RPRD2: variants seen among roughly 807,000 people sequenced by gnomAD.
RPRD2 encodes regulation of nuclear pre-mRNA domain containing 2.
A neutral mutation model predicts 104.4 loss-of-function variants in RPRD2; 12 were observed. That is an observed-to-expected ratio of 0.11 (90% CI 0.07 to 0.19). RPRD2 has a LOEUF of 0.19. Ranked by LOEUF, RPRD2 falls within the 10% of genes least tolerant of loss-of-function variation. The probability of loss-of-function intolerance (pLI) is 1.00; values close to 1 mark genes in which losing one functional copy is unlikely to be tolerated. For missense variants in RPRD2, 1,543 were observed against 1,790.1 expected, an observed-to-expected ratio of 0.86 and a Z score of 2.49; for synonymous variants, 714 against 684.9, an observed-to-expected ratio of 1.04 and a Z score of -0.66.
intron 1 of RPRD2, among the ~76,000 whole-genome samples, chr1:150,403,064 T>C (rs1043836934): frequency 9.2e-5 from 14 of 152,076 alleles, no homozygotes; most frequent in Admixed American, 8.5e-4. Flanking sequence ...GATAAGACTG[T>C]GGTGTATTCA....
chr1:150,387,951 C>A (rs1249936754), intron 1 of RPRD2, among the ~76,000 whole-genome samples: 3 of 99,638 alleles, frequency 3.0e-5, no homozygotes, highest in African/African-American at 1.3e-4. Context: ...GTCTCTCACT[C>A]TGTCACCCAG....
chr1:150,365,693 G>T (rs1659788178), intron 1 of RPRD2, among the ~76,000 whole-genome samples: 2 of 152,090 alleles, frequency 1.3e-5, no homozygotes, highest in Non-Finnish European at 2.9e-5. Context: ...GGGTTCAAGC[G>T]ATTCTCCTGT....
intron 1 of RPRD2, among the ~76,000 whole-genome samples, chr1:150,407,696 A>G (rs1249466321): frequency 2.0e-5 from 3 of 152,198 alleles, no homozygotes; most frequent in African/African-American, 7.2e-5. Context: ...CAAAGCAACT[A>G]AGTGATTTTA....
chr1:150,460,329 C>T lies in RPRD2; in HGVS notation c.1411+12C>T. On this transcript the variant is annotated intron_variant, in intron 9 of 10. Coordinates refer to ENST00000369068, the MANE Select transcript of RPRD2 (RefSeq NM_015203.5). ...CATGAAAAATACTGGTAAGTAAGCC[C>T]AGTAAGGAGGATAAAAAGTTAATTT... 1 of 1,599,144 alleles carries T rather than the reference C, an allele frequency of 6.3e-7. No homozygotes were observed. The highest frequency in any genetic ancestry group is 8.5e-7 in the Non-Finnish European group (1 of 1,170,630).
rs1553899545 is a variant in RPRD2, at chr1:150,464,705, A to T, written c.1590A>T (p.Thr530=). 6.2e-7 allele frequency: 1 copy of T among 1,612,918 alleles called. No individual in the cohort carries two copies. The highest frequency in any genetic ancestry group is 8.5e-7 in the Non-Finnish European group (1 of 1,179,392). Residue 530 remains threonine, a synonymous_variant, in exon 10 of 11, where the codon ACA becomes ACT. Transcript: ENST00000369068. ...SILSALSKTQ[T]QSAPALQGLS... ...TGTCTGCACTTTCCAAAACCCAGAC[A>T]CAGTCAGCCCCTGCACTGCAAGGTA...
chr1:150,432,307 T>C (rs1292527446), intron 2 of RPRD2, among the ~76,000 whole-genome samples: 2 of 151,914 alleles, frequency 1.3e-5, no homozygotes, highest in African/African-American at 4.8e-5. Context: ...TACCTAGAAT[T>C]GTTAGGTCCA....
At chr1:150,424,089 GC>G (rs1553890176) in intron 2 of RPRD2, among the ~76,000 whole-genome samples, 1 of 152,066 alleles carries the variant, frequency 6.6e-6, no homozygotes, top group Non-Finnish European at 1.5e-5. Flanking sequence ...ACAGCACCCG[GC>G]CAGTTGAGAA....
intron 1 of RPRD2, among the ~76,000 whole-genome samples, chr1:150,403,542 C>A (rs1156683314): frequency 6.6e-6 from 1 of 152,138 alleles, no homozygotes; most frequent in Non-Finnish European, 1.5e-5. Context: ...TGGGTTATTT[C>A]CATAACATAA....
At chr1:150,434,910 A>AT (rs1308682490) in intron 2 of RPRD2, among the ~76,000 whole-genome samples, 7 of 151,994 alleles carry the variant, frequency 4.6e-5, no homozygotes, top group Non-Finnish European at 8.8e-5. Flanking sequence ...ACAGAATAGA[A>AT]TTTTTTTTGT....
intron 1 of RPRD2, among the ~76,000 whole-genome samples, chr1:150,395,152 C>A (rs587593551): frequency 1.3e-5 from 2 of 152,068 alleles, no homozygotes; most frequent in Non-Finnish European, 2.9e-5. Context: ...TCCCTCACCC[C>A]CTTCCCACTC....
chr1:150,414,179 G>A (rs1553888156), intron 1 of RPRD2, among the ~76,000 whole-genome samples: 4 of 152,174 alleles, frequency 2.6e-5, no homozygotes, highest in Non-Finnish European at 5.9e-5. Flanking sequence ...CTACAGATAT[G>A]GGAGTCATTG....
intron 2 of RPRD2, among the ~76,000 whole-genome samples, chr1:150,424,433 G>A (rs1468836535): frequency 1.3e-5 from 2 of 151,914 alleles, no homozygotes; most frequent in Non-Finnish European, 2.9e-5. Flanking sequence ...GATTACAGGC[G>A]AGCGCCACCA....
intron 2 of RPRD2, among the ~76,000 whole-genome samples, chr1:150,428,882 AG>A (rs1296818197): frequency 6.6e-6 from 1 of 152,142 alleles, no homozygotes; most frequent in East Asian, 1.9e-4. Context: ...TCCTGTTATA[AG>A]AGTAAGGGGG....
chr1:150,425,669 C>T (rs2102302479), intron 2 of RPRD2, among the ~76,000 whole-genome samples: 1 of 151,982 alleles, frequency 6.6e-6, no homozygotes, highest in African/African-American at 2.4e-5. Context: ...AAATAAATTT[C>T]CTTCCATCTT....
chr1:150,387,613 C>T (rs1440340647), intron 1 of RPRD2, among the ~76,000 whole-genome samples: 56 of 54,590 alleles, frequency 1.0e-3, no homozygotes, highest in Admixed American at 3.3e-3. Flanking sequence ...TTTTTTGAGA[C>T]GGAGTTTCAC....
intron 3 of RPRD2, chr1:150,441,268 G>T (rs1171900084): frequency 2.7e-6 from 1 of 376,712 alleles, no homozygotes; most frequent in East Asian, 5.1e-5. Context: ...ATGTTAAGTG[G>T]TAATAGCCAT....
chr1:150,438,255 A>C (rs1553893600), intron 2 of RPRD2, among the ~76,000 whole-genome samples: 1 of 151,900 alleles, frequency 6.6e-6, no homozygotes, highest in South Asian at 2.1e-4. Context: ...GTGCCACTGC[A>C]CTCCGGCCTG....
chr1:150,457,214 ACT>A (rs1220874951), intron 7 of RPRD2, 72 bp from the exon 8 acceptor site: 5 of 1,425,734 alleles, frequency 3.5e-6, no homozygotes, highest in Non-Finnish European at 4.8e-6. Context: ...ACAAAGTGAG[ACT>A]CTGCCTCAAA....
intron 7 of RPRD2, among the ~76,000 whole-genome samples, chr1:150,450,777 C>CT (rs1187516454): frequency 6.6e-6 from 1 of 151,574 alleles, no homozygotes; most frequent in Non-Finnish European, 1.5e-5. Flanking sequence ...CCCACCACCA[C>CT]TTTTTGTATT....
Sources: allele counts gnomAD v4.1 joint callset (sites outside exome capture counted in the v4.1 genomes callset), GRCh38; gene constraint gnomAD v4.1.1; transcripts MANE v1.5; gene names NCBI Gene and HGNC (gene_info 2026-07-23, HGNC 2026-07-21).